The following SH3RF2 variants were observed in gnomAD, a reference collection of about 807,000 sequenced individuals.
SH3RF2 encodes SH3 domain containing ring finger 2, also known as E3 ubiquitin-protein ligase SH3RF2.
A neutral mutation model predicts 59.0 loss-of-function variants in SH3RF2; 43 were observed. The ratio of observed to expected loss-of-function variants is 0.73; its 90% CI spans 0.57 to 0.94. The LOEUF (loss-of-function observed/expected upper bound fraction) is 0.94. Ranked by LOEUF, SH3RF2 falls within the 40% of genes least tolerant of loss-of-function variation. The pLI, the probability that SH3RF2 is intolerant of heterozygous loss-of-function variation, is 0.00. For missense variants in SH3RF2, 930 were observed against 940.1 expected, an observed-to-expected ratio of 0.99 and a Z score of 0.14; for synonymous variants, 391 against 391.5, an observed-to-expected ratio of 1.00 and a Z score of 0.01.
In SH3RF2 at chr5:146,062,931, C is replaced by T. The variant is rs1459205043; in HGVS notation, c.*230C>T. 5 of 604,682 alleles carry T rather than the reference C, an allele frequency of 8.3e-6. No individual in the cohort carries two copies. Among genetic ancestry groups the T allele is most frequent in the African/African-American group, 7.4e-5 (4 of 53,866 alleles). 37.5% of individuals were successfully genotyped at this position (604,682 alleles called of 1,614,324 possible). ...CATAATGATTTGATGCCACAAAGCT[C>T]GCTTACTCAGACCAAGGAGTGAAAA... On this transcript the variant is annotated 3_prime_UTR_variant, in exon 10 of 10. Transcript: ENST00000359120.
At chr5:146,047,034 G>A (rs1033149778) in intron 5 of SH3RF2, among the ~76,000 whole-genome samples, 3 of 152,112 alleles carry the variant, frequency 2.0e-5, no homozygotes, top group African/African-American at 7.2e-5. Flanking sequence ...TAGGTTTATA[G>A]GCATGAGGCA....
chr5:146,005,228 G>T (rs574974437), intron 4 of SH3RF2, among the ~76,000 whole-genome samples: 2 of 152,120 alleles, frequency 1.3e-5, no homozygotes. Context: ...TAACCTGTCA[G>T]TGCCTAACCT....
chr5:145,937,429 T>C (rs529945294), intron 1 of SH3RF2, among the ~76,000 whole-genome samples: 5 of 152,160 alleles, frequency 3.3e-5, no homozygotes, highest in Admixed American at 3.3e-4. Context: ...GAGGAGGAGA[T>C]AGCTTCACAG....
At chr5:145,963,852 A>C (rs1393477976) in intron 2 of SH3RF2, among the ~76,000 whole-genome samples, 1 of 128,996 alleles carries the variant, frequency 7.8e-6, no homozygotes, top group Admixed American at 8.6e-5. Flanking sequence ...TTCTTTTTTG[A>C]GATGGAGTCT....
At chr5:145,970,537 C>CTGGT (rs1759039799) in intron 2 of SH3RF2, among the ~76,000 whole-genome samples, 1 of 152,244 alleles carries the variant, frequency 6.6e-6, no homozygotes, top group Admixed American at 6.5e-5. Flanking sequence ...GGCATTTAGG[C>CTGGT]TGGTTCTATA....
chr5:145,953,828 C>A (rs1305612986), intron 2 of SH3RF2, among the ~76,000 whole-genome samples: 1 of 152,164 alleles, frequency 6.6e-6, no homozygotes, highest in Non-Finnish European at 1.5e-5. Context: ...ATTGTTCCTG[C>A]ATTAGTTTGC....
chr5:146,050,862 T>C (rs1762470333), intron 7 of SH3RF2, among the ~76,000 whole-genome samples: 1 of 152,126 alleles, frequency 6.6e-6, no homozygotes, highest in African/African-American at 2.4e-5. Context: ...TGCTGAGAAG[T>C]AAGAAGGAAA....
At chr5:146,065,500 T>G (rs1489160611), downstream of SH3RF2, among the ~76,000 whole-genome samples, 1 of 152,220 alleles carries the variant, frequency 6.6e-6, no homozygotes, top group East Asian at 1.9e-4. Flanking sequence ...TTTTTAAGTT[T>G]TGTGGCTGAC....
intron 2 of SH3RF2, among the ~76,000 whole-genome samples, chr5:145,943,704 G>C (rs1184471160): frequency 1.3e-5 from 2 of 151,614 alleles, no homozygotes; most frequent in Admixed American, 6.6e-5. Flanking sequence ...TTTTGTTTTT[G>C]TTTTTGTTTT....
chr5:146,070,692 G>A (rs1423457973), intron 9 of SH3RF2, among the ~76,000 whole-genome samples: 3 of 152,166 alleles, frequency 2.0e-5, no homozygotes, highest in Non-Finnish European at 4.4e-5. Context: ...CTCCTCTGCA[G>A]GAACAAAAGG....
chr5:146,064,714 GAAAGAAAGAAA>G (rs1561773389), downstream of SH3RF2, among the ~76,000 whole-genome samples: 20 of 26,222 alleles, frequency 7.6e-4, no homozygotes, highest in African/African-American at 2.4e-3. Flanking sequence ...AAGAAAGAAA[GAAAGAAAGAAA>G]GAAAGGAAGG....
intron 2 of SH3RF2, among the ~76,000 whole-genome samples, chr5:145,998,281 TA>T (rs35018423): frequency 0.014 from 2,031 of 140,290 alleles, 19 homozygotes; most frequent in African/African-American, 0.029. Context: ...GGCCCATAGT[TA>T]AAAAAAAAAA....
At chr5:146,064,942 T>C (rs1256693931), downstream of SH3RF2, among the ~76,000 whole-genome samples, 1 of 151,986 alleles carries the variant, frequency 6.6e-6, no homozygotes, top group Non-Finnish European at 1.5e-5. Flanking sequence ...AGATAGTTCT[T>C]GAAAGTCCTG....
intron 5 of SH3RF2, among the ~76,000 whole-genome samples, chr5:146,046,567 C>A (rs369182448): frequency 6.6e-6 from 1 of 152,196 alleles, no homozygotes; most frequent in Non-Finnish European, 1.5e-5. Context: ...CATTCCTTCA[C>A]TCATTCCTTT....
chr5:146,064,595 G>GT (rs1763003463), downstream of SH3RF2, among the ~76,000 whole-genome samples: 8 of 54,174 alleles, frequency 1.5e-4, no homozygotes, highest in Admixed American at 4.7e-4. Context: ...GGGAGAGAGA[G>GT]AGAGAGAGAG....
In SH3RF2 at chr5:145,987,417, T is replaced by C. The variant is rs146466621; in HGVS notation, c.379-12641T>C. ...ATCTTCATAGCTTAGCTCCCACATA[T>C]CAGTGAGAACATACAACGGAGAAAA... On this transcript the variant is annotated intron_variant, in intron 2 of 9. Coordinates refer to ENST00000359120, the MANE Select transcript of SH3RF2 (RefSeq NM_152550.4). Among the ~76,000 whole-genome samples the C allele has an allele frequency of 3.6e-3, 541 of 152,120 alleles. 2 individuals carry two copies. The highest frequency in any genetic ancestry group is 0.012 in the African/African-American group (514 of 41,468).
At chr5:145,966,023 G>A (rs1404005290) in intron 2 of SH3RF2, among the ~76,000 whole-genome samples, 2 of 152,194 alleles carry the variant, frequency 1.3e-5, no homozygotes, top group Non-Finnish European at 2.9e-5. Flanking sequence ...AGAAGCGGGA[G>A]GAGGGAGGTG....
exon 10 of SH3RF2, chr5:146,080,353 T>C (rs1042931916): frequency 7.1e-6 from 1 of 141,280 alleles, no homozygotes; most frequent in South Asian, 2.2e-4. Flanking sequence ...AGAAAAACTA[T>C]AGACTTGTGT....
chr5:146,055,770 G>A (rs1323445063), intron 7 of SH3RF2: 4 of 596,194 alleles, frequency 6.7e-6, no homozygotes, highest in Non-Finnish European at 1.2e-5. Flanking sequence ...CCTTCCCTCA[G>A]CACACCCTCA....
Sources: gnomAD v4.1 joint callset for allele counts (sites outside exome capture counted in the v4.1 genomes callset) on GRCh38, gnomAD v4.1.1 for gene constraint, MANE v1.5 for transcripts, NCBI Gene and HGNC (gene_info 2026-07-23, HGNC 2026-07-21) for gene names.